Variants in VIPAS39 observed in about 807,000 individuals in gnomAD.
VIPAS39 encodes spermatogenesis-defective protein 39 homolog.
Under a neutral mutation model 84.7 loss-of-function variants are expected in VIPAS39, and 63 were observed. The ratio of observed to expected loss-of-function variants is 0.74; its 90% CI spans 0.61 to 0.92. VIPAS39 has a LOEUF of 0.92. Ranked by LOEUF, VIPAS39 falls within the 40% of genes least tolerant of loss-of-function variation. VIPAS39 has a pLI of 0.00. For synonymous variants in VIPAS39, 192 were observed against 216.5 expected (o/e 0.89, Z 0.99); for missense variants, 499 against 604.5 (o/e 0.83, Z 1.83).
chr14:77,438,406 T>G (rs904817662), intron 11 of VIPAS39, among the ~76,000 whole-genome samples: 1 of 152,104 alleles, frequency 6.6e-6, no homozygotes, highest in Non-Finnish European at 1.5e-5. Flanking sequence ...TTTTTGTACT[T>G]TTAGTAGAGG....
In VIPAS39 at chr14:77,441,138, T is replaced by C. The variant is rs76396354; in HGVS notation, c.735-45A>G. 5.5e-3 allele frequency: 8,817 copies of C among 1,611,160 alleles called. 412 individuals are homozygous for C. In the African/African-American group the frequency reaches 0.1, roughly 19 times the overall value. On this transcript the variant is annotated intron_variant, in intron 10 of 19. Transcript: ENST00000557658. The stretch of plus-strand genomic sequence containing the variant: ...AGCAGGGCATTTGTATCTATTGATG[T>C]GTGGCAGTATAACCTCACAAAATCG...
intron 10 of VIPAS39, among the ~76,000 whole-genome samples, chr14:77,442,116 G>T (rs568168804): frequency 6.6e-6 from 1 of 152,178 alleles, no homozygotes; most frequent in Admixed American, 6.5e-5. Flanking sequence ...AGTAATAAAA[G>T]ATACCTTTAT....
chr14:77,445,781 A>G (rs2078778657), intron 7 of VIPAS39, among the ~76,000 whole-genome samples: 1 of 152,062 alleles, frequency 6.6e-6, no homozygotes, highest in South Asian at 2.1e-4. Context: ...TCTACTAAAA[A>G]TACAAAAATT....
chr14:77,435,092 G>A (rs1171924443), intron 14 of VIPAS39, 167 bp downstream of exon 14: 1 of 1,010,632 alleles, frequency 9.9e-7, no homozygotes, highest in South Asian at 1.4e-5. Flanking sequence ...TTTCCCTCCT[G>A]GCCAGATGAG....
intron 7 of VIPAS39, among the ~76,000 whole-genome samples, chr14:77,447,590 C>G (rs901510394): frequency 6.6e-6 from 1 of 152,196 alleles, no homozygotes; most frequent in Admixed American, 6.5e-5. Flanking sequence ...TAAACTCAAA[C>G]CCTTACATCA....
At chr14:77,440,761 C>T (rs2078689384) in intron 11 of VIPAS39, among the ~76,000 whole-genome samples, 1 of 152,180 alleles carries the variant, frequency 6.6e-6, no homozygotes, top group Non-Finnish European at 1.5e-5. Context: ...CTCTGTTGCC[C>T]AGGCTGGAGT....
chr14:77,435,677 A>G (rs2078599371), intron 13 of VIPAS39, among the ~76,000 whole-genome samples, 167 bp downstream of exon 13: 1 of 152,182 alleles, frequency 6.6e-6, no homozygotes, highest in African/African-American at 2.4e-5. Flanking sequence ...AGGAAAAAGG[A>G]TCCTAAAAAC....
At chr14:77,447,744 T>C (rs961815307) in intron 7 of VIPAS39, among the ~76,000 whole-genome samples, 9 of 152,190 alleles carry the variant, frequency 5.9e-5, no homozygotes, top group Non-Finnish European at 8.8e-5. Context: ...CACTACAACC[T>C]CCACTTCCCA....
chr14:77,429,632 T>A (rs781526203), intron 17 of VIPAS39, 49 bp downstream of exon 17: 1 of 1,585,748 alleles, frequency 6.3e-7, no homozygotes, highest in South Asian at 1.1e-5. Flanking sequence ...AGGCTTAAAG[T>A]TAGGTCTCCA....
intron 14 of VIPAS39, chr14:77,435,057 G>A (rs2078585478): frequency 1.5e-6 from 1 of 689,108 alleles, no homozygotes; most frequent in African/African-American, 1.8e-5. Context: ...CAGCTCACTT[G>A]AAGCTACAAA....
intron 5 of VIPAS39, 118 bp downstream of exon 5, chr14:77,449,596 A>C: frequency 7.1e-7 from 1 of 1,400,682 alleles, no homozygotes; most frequent in Non-Finnish European, 1.0e-6. Flanking sequence ...TAATAATGAC[A>C]GTAGATGCAG....
At position 77,448,399 on chromosome 14, in the gene VIPAS39, A is replaced by C. The variant is rs548381843; in HGVS notation, c.504+95T>G. Reference sequence around the variant, plus strand: ...TTTATTTTCCCCCTGAAATTCATTGAACAAATGAGAACTGAAGAGAGGTCA... The same window carrying C: ...TTTATTTTCCCCCTGAAATTCATTGCACAAATGAGAACTGAAGAGAGGTCA... On this transcript the variant is annotated intron_variant, in intron 7 of 19. Transcript: ENST00000557658. The C allele has an allele frequency of 2.4e-6, 3 of 1,242,210 alleles. No individual in the cohort carries two copies. In the South Asian group the frequency reaches 3.6e-5, roughly 15 times the overall value. The allele number at this position is 1,242,210 out of a possible 1,614,324, so 76.9% of individuals were successfully genotyped here. A position where few individuals can be genotyped will look rare whatever the true frequency, so the allele number is the denominator to read the frequency against.
intron 11 of VIPAS39, 134 bp from the exon 12 acceptor site, chr14:77,438,015 G>A: frequency 6.2e-6 from 5 of 810,362 alleles, no homozygotes; most frequent in Non-Finnish European, 8.2e-6. Context: ...GGAGGCGGGT[G>A]GGGGGATAGG....
At chr14:77,435,077 C>A in intron 14 of VIPAS39, 182 bp downstream of exon 14, 5 of 853,500 alleles carry the variant, frequency 5.9e-6, no homozygotes, top group South Asian at 1.6e-5. Context: ...ACCTTACAAA[C>A]CTCTTTTCCC....
In VIPAS39 at chr14:77,450,503, G is replaced by A. The variant is rs145789744; in HGVS notation, c.343+684C>T. The stretch of plus-strand genomic sequence containing the variant: ...GATATACCCAGAAGTAAAATTGCTA[G>A]ATCATATGTTATTTATTTATTTATT... On this transcript the variant is annotated intron_variant, in intron 4 of 19. Coordinates refer to ENST00000557658, the MANE Select transcript of VIPAS39 (RefSeq NM_001193315.2). Among the ~76,000 whole-genome samples, 251 of 152,180 alleles carry A rather than the reference G, an allele frequency of 1.6e-3. 1 individual carries two copies. The highest frequency in any genetic ancestry group is 5.7e-3 in the African/African-American group (237 of 41,528).
chr14:77,449,303 C>T lies in VIPAS39; in HGVS notation c.437G>A (p.Gly146Glu). Reference protein sequence around the residue: ...SYAPELGRPKGEYRDYSNDWS... With the variant: ...SYAPELGRPKEEYRDYSNDWS... ...TATGCTGTAACTCACCCTATACTCC[C>T]CTTTGGGTCTCCCCAGCTCTGGAGC... The change falls in exon 6 of 20, where the codon GGG (glycine) becomes GAG (glutamate). Residue 146 changes from glycine (G) to glutamate (E), a missense_variant. By Grantham distance (98) the Gly-to-Glu change is moderately conservative. Coordinates refer to ENST00000557658, the MANE Select transcript of VIPAS39 (RefSeq NM_001193315.2). 6.2e-7 allele frequency: 1 copy of T among 1,614,188 alleles called. No homozygotes were observed.
intron 15 of VIPAS39, 144 bp from the exon 16 acceptor site, chr14:77,434,075 ACTT>A: frequency 1.7e-6 from 2 of 1,190,464 alleles, no homozygotes; most frequent in South Asian, 1.3e-5. Context: ...CAGTTCAAGA[ACTT>A]CTTAATTCCC....
chr14:77,436,760 G>A (rs2078618543), intron 12 of VIPAS39, among the ~76,000 whole-genome samples: 1 of 152,106 alleles, frequency 6.6e-6, no homozygotes, highest in Non-Finnish European at 1.5e-5. Flanking sequence ...TGTTATACAT[G>A]AAGATGCTGA....
chr14:77,430,943 T>C (rs528026639), intron 16 of VIPAS39, among the ~76,000 whole-genome samples: 6 of 152,246 alleles, frequency 3.9e-5, no homozygotes, highest in Non-Finnish European at 7.4e-5. Context: ...GGGGAAAGGA[T>C]AGTCTCTTCA....
Sources: gnomAD v4.1 joint callset for allele counts (sites outside exome capture counted in the v4.1 genomes callset) on GRCh38, gnomAD v4.1.1 for gene constraint, MANE v1.5 for transcripts, NCBI Gene and HGNC (gene_info 2026-07-23, HGNC 2026-07-21) for gene names.